Variants in TXLNB observed in about 807,000 individuals in gnomAD.
TXLNB encodes the protein beta-taxilin.
In TXLNB, 37 loss-of-function variants were observed where a neutral mutation model predicts 57.4. The ratio of observed to expected loss-of-function variants is 0.64; its 90% CI spans 0.50 to 0.85. The LOEUF is 0.85. TXLNB is among the 40% of genes least tolerant of loss of function. The pLI, the probability that TXLNB is intolerant of heterozygous loss-of-function variation, is 0.00. For synonymous variants in TXLNB, 302 were observed against 309.6 expected (o/e 0.98, Z 0.26); for missense variants, 848 against 825.6 (o/e 1.03, Z -0.33).
chr6:139,161,245 C>A, the TXLNB span, among the ~76,000 whole-genome samples: 1 of 152,090 alleles, frequency 6.6e-6, no homozygotes, highest in African/African-American at 2.4e-5. Context: ...GCTGGTGTGT[C>A]ATAGGGTGAA....
chr6:139,234,533 C>A, the TXLNB span: 1 of 152,290 alleles, frequency 6.6e-6, no homozygotes, highest in African/African-American at 2.4e-5. Flanking sequence ...TCAGAGGGTG[C>A]AAGCCCCAAG....
At chr6:139,321,363 T>G in the TXLNB span, among the ~76,000 whole-genome samples, 1 of 152,098 alleles carries the variant, frequency 6.6e-6, no homozygotes, top group African/African-American at 2.4e-5. Flanking sequence ...GAAGATAAAG[T>G]GAGAAGTCAC....
At chr6:139,167,453 C>T in the TXLNB span, 2 of 763,624 alleles carry the variant, frequency 2.6e-6, no homozygotes, top group South Asian at 2.0e-5. Flanking sequence ...TGCTAGGTAA[C>T]ATTTGAATAT....
the TXLNB span, among the ~76,000 whole-genome samples, chr6:139,159,601 G>T: frequency 2.0e-5 from 3 of 152,210 alleles, no homozygotes; most frequent in African/African-American, 7.2e-5. Flanking sequence ...GAGCTCTGCA[G>T]CTGCCTCCCC....
At chr6:139,224,678 A>G in the TXLNB span, among the ~76,000 whole-genome samples, 1 of 152,036 alleles carries the variant, frequency 6.6e-6, no homozygotes, top group East Asian at 1.9e-4. Flanking sequence ...ATAGCATACC[A>G]CAACTGACAG....
intron 7 of TXLNB, among the ~76,000 whole-genome samples, chr6:139,249,082 TG>T (rs1776133050): frequency 6.6e-6 from 1 of 152,234 alleles, no homozygotes; most frequent in African/African-American, 2.4e-5. Flanking sequence ...AAGCATTGTA[TG>T]GGTTAGCATT....
At chr6:139,213,935 T>C in the TXLNB span, among the ~76,000 whole-genome samples, 2 of 152,112 alleles carry the variant, frequency 1.3e-5, no homozygotes, top group South Asian at 2.1e-4. Flanking sequence ...CAGGAAGAAG[T>C]TGAATCTCTG....
intron 5 of TXLNB, among the ~76,000 whole-genome samples, chr6:139,261,205 C>T (rs188488645): frequency 7.2e-5 from 11 of 152,258 alleles, no homozygotes; most frequent in Admixed American, 6.5e-4. Flanking sequence ...CAGGAATATA[C>T]AACTAGCATA....
intron 2 of TXLNB, among the ~76,000 whole-genome samples, chr6:139,284,252 G>A (rs921240368): frequency 1.4e-5 from 2 of 145,420 alleles, no homozygotes; most frequent in African/African-American, 5.1e-5. Context: ...ATTGTGGGCC[G>A]GGTGCGGTGG....
the TXLNB span, among the ~76,000 whole-genome samples, chr6:139,160,887 A>C: frequency 3.3e-5 from 5 of 152,380 alleles, no homozygotes; most frequent in South Asian, 1.0e-3. Flanking sequence ...GTTTTCATGT[A>C]CATGAGCTGA....
intron 4 of TXLNB, among the ~76,000 whole-genome samples, chr6:139,266,139 A>G (rs1776609618): frequency 6.6e-6 from 1 of 152,242 alleles, no homozygotes; most frequent in South Asian, 2.1e-4. Flanking sequence ...ATCATATAGT[A>G]GAATCCAGAT....
At chr6:139,309,288 A>C in the TXLNB span, among the ~76,000 whole-genome samples, 1 of 152,204 alleles carries the variant, frequency 6.6e-6, no homozygotes, top group East Asian at 1.9e-4. Context: ...CTGATTTTCC[A>C]TATTTCTTAG....
chr6:139,239,386 G>A (rs1775873852), downstream of TXLNB: 1 of 152,278 alleles, frequency 6.6e-6, no homozygotes, highest in African/African-American at 2.4e-5. This position sits in a 1 kb window ranked among gnomAD's most constrained non-coding sequence, Gnocchi z 4.7. Flanking sequence ...TCAGCTGGGT[G>A]AGCACTGTCC....
chr6:139,279,999 A>G (rs34157660), intron 2 of TXLNB, among the ~76,000 whole-genome samples: 49,590 of 152,084 alleles, frequency 0.33, 8,203 homozygotes, highest in South Asian at 0.36. Context: ...AAACTGGCCG[A>G]GCGTGGTGGC....
intron 2 of TXLNB, among the ~76,000 whole-genome samples, chr6:139,283,531 G>A (rs1389545679): frequency 1.5e-5 from 2 of 136,574 alleles, no homozygotes; most frequent in African/African-American, 2.8e-5. Context: ...AGCCGAGATC[G>A]CACCATTGCA....
chr6:139,315,901 A>T, the TXLNB span, among the ~76,000 whole-genome samples: 1 of 152,218 alleles, frequency 6.6e-6, no homozygotes, highest in South Asian at 2.1e-4. Flanking sequence ...AGAACTTATA[A>T]AGAGAATTTG....
chr6:139,315,552 G>A, the TXLNB span, among the ~76,000 whole-genome samples: 946 of 152,222 alleles, frequency 6.2e-3, 28 homozygotes, highest in Admixed American at 0.043. Context: ...CTCTGGCTGC[G>A]AATAGTACTC....
chr6:139,248,749 TC>T (rs1363934761), intron 7 of TXLNB, among the ~76,000 whole-genome samples: 1 of 152,094 alleles, frequency 6.6e-6, no homozygotes, highest in African/African-American at 2.4e-5. Flanking sequence ...TGGCAGGTGA[TC>T]ATGTGAGCCA....
intron 7 of TXLNB, among the ~76,000 whole-genome samples, chr6:139,248,654 A>T (rs1776124575): frequency 6.6e-6 from 1 of 152,242 alleles, no homozygotes; most frequent in Non-Finnish European, 1.5e-5. Context: ...TAATGGGAAG[A>T]CCATCTCAAA....
Sources: allele counts gnomAD v4.1 joint callset (sites outside exome capture counted in the v4.1 genomes callset), GRCh38; gene constraint gnomAD v4.1.1; non-coding constraint Gnocchi (gnomAD v3.1); transcripts MANE v1.5; gene names NCBI Gene and HGNC (gene_info 2026-07-23, HGNC 2026-07-21).